The following SRPK2 variants were observed in gnomAD, a reference collection of about 807,000 sequenced individuals.
SRPK2 encodes the protein SFRS protein kinase 2.
SRPK2 carries 21 observed loss-of-function variants against 90.8 expected under a neutral mutation model. The ratio of observed to expected loss-of-function variants is 0.23; its 90% CI spans 0.16 to 0.33. The LOEUF is 0.33. SRPK2 is among the 10% of genes least tolerant of loss of function. The pLI, the probability that SRPK2 is intolerant of heterozygous loss-of-function variation, is 1.00. For synonymous variants in SRPK2, 288 were observed against 311.1 expected (o/e 0.93, Z 0.78); for missense variants, 620 against 869.0 (o/e 0.71, Z 3.60).
chr7:105,210,032 T>G (rs1265281200), intron 2 of SRPK2, among the ~76,000 whole-genome samples: 2 of 152,134 alleles, frequency 1.3e-5, no homozygotes, highest in African/African-American at 4.8e-5. Flanking sequence ...GAGGAAAAAC[T>G]CAACAACCGA....
At chr7:105,174,488 G>A (rs1416575806) in intron 3 of SRPK2, among the ~76,000 whole-genome samples, 2 of 151,872 alleles carry the variant, frequency 1.3e-5, no homozygotes, top group Non-Finnish European at 2.9e-5. Flanking sequence ...TCTGATTGTG[G>A]GGTTTCTCTA....
At chr7:105,285,263 A>G (rs185124220) in intron 2 of SRPK2, among the ~76,000 whole-genome samples, 3 of 151,686 alleles carry the variant, frequency 2.0e-5, no homozygotes, top group Non-Finnish European at 2.9e-5. Flanking sequence ...ATGCACGCCT[A>G]TAATCCCAGC....
chr7:105,203,857 CT>C, intron 2 of SRPK2, 72 bp from the exon 3 acceptor site: 3 of 1,507,464 alleles, frequency 2.0e-6, no homozygotes, highest in Non-Finnish European at 1.8e-6. Context: ...TTGAGCACTT[CT>C]TAATATGGGG....
chr7:105,272,301 C>T (rs1805931268), intron 2 of SRPK2, among the ~76,000 whole-genome samples: 1 of 152,210 alleles, frequency 6.6e-6, no homozygotes, highest in African/African-American at 2.4e-5. Context: ...TCAACAGCTC[C>T]TTCTACATCT....
At chr7:105,296,671 G>T (rs73716650) in intron 2 of SRPK2, among the ~76,000 whole-genome samples, 5,244 of 152,298 alleles carry the variant, frequency 0.034, 326 homozygotes, top group African/African-American at 0.12. Context: ...TGGCATCATA[G>T]GCATTCATGT....
At chr7:105,325,780 G>C (rs1318812172) in intron 2 of SRPK2, among the ~76,000 whole-genome samples, 1 of 152,178 alleles carries the variant, frequency 6.6e-6, no homozygotes, top group Non-Finnish European at 1.5e-5. Flanking sequence ...CCTGAGCCCA[G>C]GAGGTCAAGG....
chr7:105,303,772 C>T (rs906430490), intron 2 of SRPK2, among the ~76,000 whole-genome samples: 1 of 152,016 alleles, frequency 6.6e-6, no homozygotes, highest in Non-Finnish European at 1.5e-5. Context: ...AAAGTAATAA[C>T]TCAATTCGTA....
At chr7:105,188,159 A>C in intron 3 of SRPK2, among the ~76,000 whole-genome samples, 1 of 152,272 alleles carries the variant, frequency 6.6e-6, no homozygotes, top group East Asian at 1.9e-4. Context: ...CCAGAAAATG[A>C]AATATTAATC....
upstream of SRPK2, among the ~76,000 whole-genome samples, chr7:105,392,989 T>A (rs544657794): frequency 9.7e-5 from 14 of 143,616 alleles, no homozygotes; most frequent in African/African-American, 3.3e-4. Flanking sequence ...ATTTTTGTAT[T>A]TTTTTTTTTT....
At chr7:105,351,453 T>G (rs967443054) in intron 2 of SRPK2, among the ~76,000 whole-genome samples, 1 of 148,708 alleles carries the variant, frequency 6.7e-6, no homozygotes, top group African/African-American at 2.5e-5. Flanking sequence ...AGGTCAGGAG[T>G]TTGAGACCAC....
intron 2 of SRPK2, among the ~76,000 whole-genome samples, chr7:105,249,779 C>A (rs373324995): frequency 6.6e-6 from 1 of 151,980 alleles, no homozygotes; most frequent in Non-Finnish European, 1.5e-5. Context: ...TTTTGAATAG[C>A]AAATAAAAAA....
At chr7:105,314,687 A>G (rs1310248428) in intron 2 of SRPK2, among the ~76,000 whole-genome samples, 2 of 152,220 alleles carry the variant, frequency 1.3e-5, no homozygotes, top group Non-Finnish European at 2.9e-5. Context: ...CCCGGCCCAA[A>G]ACATATTTTG....
intron 2 of SRPK2, among the ~76,000 whole-genome samples, chr7:105,236,315 C>A (rs1800134562): frequency 6.6e-6 from 1 of 152,124 alleles, no homozygotes; most frequent in Non-Finnish European, 1.5e-5. Context: ...AGTGTTTTCA[C>A]ATAACATATT....
rs1563311468 is a variant in SRPK2 at position 105,379,717 on chromosome 7, G to A, written c.71+8931C>T. On this transcript the variant is annotated intron_variant, in intron 2 of 15. Coordinates refer to ENST00000393651, the MANE Select transcript of SRPK2 (RefSeq NM_182692.3). ...CACTGGGCCAGGCGTGGTGGCTCAC[G>A]CCTGTAATCCCAGCACTTTGGGAAG... 2.6e-5 allele frequency among the ~76,000 whole-genome samples: 4 copies of A among 152,032 alleles called. No homozygotes were observed. The South Asian group carries it at 6.2e-4, about 24-fold the overall frequency.
intron 6 of SRPK2, among the ~76,000 whole-genome samples, chr7:105,164,644 T>C (rs1055018362): frequency 6.6e-6 from 1 of 152,226 alleles, no homozygotes; most frequent in Non-Finnish European, 1.5e-5. Flanking sequence ...ATTCTTTATT[T>C]TTGTCTTTTA....
At chr7:105,242,959 G>T (rs1392164027) in intron 2 of SRPK2, among the ~76,000 whole-genome samples, 1 of 152,190 alleles carries the variant, frequency 6.6e-6, no homozygotes, top group East Asian at 1.9e-4. Flanking sequence ...CTGGTAGAAG[G>T]TGAGGCCAGG....
chr7:105,245,030 AACAAACACAC>A, intron 2 of SRPK2: 2 of 489,250 alleles, frequency 4.1e-6, no homozygotes, highest in East Asian at 3.5e-5. Context: ...AACAAAACAA[AACAAACACAC>A]ACACACACAC....
chr7:105,243,918 G>T (rs987408535), intron 2 of SRPK2, among the ~76,000 whole-genome samples: 1 of 152,186 alleles, frequency 6.6e-6, no homozygotes, highest in Non-Finnish European at 1.5e-5. Context: ...CAATAAAATG[G>T]AAGAGAAACA....
chr7:105,299,293 T>C (rs1181531769), intron 2 of SRPK2, among the ~76,000 whole-genome samples: 1 of 152,182 alleles, frequency 6.6e-6, no homozygotes, highest in African/African-American at 2.4e-5. Flanking sequence ...ACCACTTTTG[T>C]TTTCATTTTT....
Sources: gnomAD v4.1 joint callset for allele counts (sites outside exome capture counted in the v4.1 genomes callset) on GRCh38, gnomAD v4.1.1 for gene constraint, MANE v1.5 for transcripts, NCBI Gene and HGNC (gene_info 2026-07-23, HGNC 2026-07-21) for gene names.